PCDH17: variants seen among roughly 807,000 people sequenced by gnomAD.
PCDH17 encodes protocadherin 17.
A neutral mutation model predicts 67.7 loss-of-function variants in PCDH17; 21 were observed. The observed-to-expected ratio is 0.31, with a 90% CI of 0.22 to 0.45. The LOEUF (loss-of-function observed/expected upper bound fraction) is 0.45, where lower values mean the gene tolerates loss of function less well. Among genes scored for constraint, PCDH17 ranks in the 20% least tolerant of loss-of-function variants. The pLI, the probability that PCDH17 is intolerant of heterozygous loss-of-function variation, is 1.00. For missense variants in PCDH17, 1,471 were observed against 1,564.8 expected, an observed-to-expected ratio of 0.94 and a Z score of 1.01; for synonymous variants, 701 against 656.7, an observed-to-expected ratio of 1.07 and a Z score of -1.03.
chr13:57,693,813 G>C (rs1593932736), intron 3 of PCDH17, among the ~76,000 whole-genome samples: 1 of 150,384 alleles, frequency 6.6e-6, no homozygotes, highest in Non-Finnish European at 1.5e-5. Flanking sequence ...ACAAATTCTT[G>C]ATTTTCTTTT....
At position 57,725,255 on chromosome 13, in the gene PCDH17, A is replaced by G. The variant is rs182496040; in HGVS notation, c.3441A>G (p.Gln1147=). 4.3e-6 allele frequency: 7 copies of G among 1,613,212 alleles called. No homozygotes were observed. The East Asian group carries it at 1.6e-4, about 36-fold the overall frequency. Residue 1147 remains glutamine, a synonymous_variant, in exon 4 of 4, where the codon CAA becomes CAG. Coordinates refer to ENST00000377918, the MANE Select transcript of PCDH17 (RefSeq NM_001040429.3). ...TGAGAGAAATTGATAAGCTTTTGCA[A>G]GACTGCCGGGGAAACGACCCTGTGG... is the stretch of plus-strand genomic sequence containing the variant. ...EVVREIDKLL[Q]DCRGNDPVAV... is the part of the protein sequence containing the mutation.
chr13:57,685,874 G>A lies in PCDH17; in HGVS notation c.2797+19041G>A, dbSNP rs560297539. 1.1e-4 allele frequency among the ~76,000 whole-genome samples: 16 copies of A among 151,924 alleles called. No individual in the cohort carries two copies. In the South Asian group the frequency reaches 3.3e-3, roughly 31 times the overall value. On this transcript the variant is annotated intron_variant, in intron 3 of 3. Coordinates refer to ENST00000377918, the MANE Select transcript of PCDH17 (RefSeq NM_001040429.3). ...GCCAAGGCAGGAGCATCTCCTGAAGGCAGGAGTTCAAGACCAACCTGGGCA... is the reference window on the plus strand; with the variant it reads ...GCCAAGGCAGGAGCATCTCCTGAAGACAGGAGTTCAAGACCAACCTGGGCA...
At chr13:57,685,535 T>C (rs563732527) in intron 3 of PCDH17, among the ~76,000 whole-genome samples, 3 of 152,126 alleles carry the variant, frequency 2.0e-5, no homozygotes, top group South Asian at 2.1e-4. Flanking sequence ...TGGAAAAATA[T>C]GTAGTTTGAT....
At chr13:57,705,731 A>G (rs1955715403) in intron 3 of PCDH17, among the ~76,000 whole-genome samples, 1 of 152,076 alleles carries the variant, frequency 6.6e-6, no homozygotes, top group Non-Finnish European at 1.5e-5. Flanking sequence ...ATAAGCAAAA[A>G]TAGGGTAGGC....
intron 3 of PCDH17, among the ~76,000 whole-genome samples, chr13:57,713,361 A>C (rs1039281087): frequency 2.6e-5 from 4 of 151,794 alleles, no homozygotes; most frequent in South Asian, 2.1e-4. Flanking sequence ...GATAAAACAC[A>C]TCAGCTTCCA....
At chr13:57,697,216 T>C (rs1955618855) in intron 3 of PCDH17, among the ~76,000 whole-genome samples, 1 of 151,540 alleles carries the variant, frequency 6.6e-6, no homozygotes, top group African/African-American at 2.4e-5. Context: ...CTTTCTGATC[T>C]CATATGGCTA....
intron 3 of PCDH17, among the ~76,000 whole-genome samples, chr13:57,678,943 G>A (rs557564111): frequency 6.6e-5 from 10 of 151,380 alleles, no homozygotes; most frequent in Admixed American, 6.6e-4. Context: ...CTTAGAAAGG[G>A]GCTATAGTTC....
rs777632315 is a variant in PCDH17, at chr13:57,633,356, C to G, written c.810C>G (p.Ala270=). Residue 270 remains alanine, a synonymous_variant, in exon 1 of 4, where the codon GCC becomes GCG. Coordinates refer to ENST00000377918, the MANE Select transcript of PCDH17 (RefSeq NM_001040429.3). This position sits in a 1 kb window ranked among gnomAD's most constrained non-coding sequence, Gnocchi z 6.2. ...TVVIDLNATD[A]DEGPNGEVLY... ...TCATCGATCTGAACGCCACCGACGC[C>G]GATGAAGGTCCCAATGGTGAAGTGC... The G allele has an allele frequency of 1.2e-6, 2 of 1,613,246 alleles. No individual in the cohort carries two copies. Among genetic ancestry groups the G allele is most frequent in the Admixed American group, 3.3e-5 (2 of 60,002 alleles).
At chr13:57,651,356 GTT>G (rs67207232) in intron 1 of PCDH17, among the ~76,000 whole-genome samples, 1,168 of 84,172 alleles carry the variant, frequency 0.014, 4 homozygotes, top group African/African-American at 0.044. Flanking sequence ...TTTAATTGAG[GTT>G]TTTTTTTTTT....
intron 3 of PCDH17, among the ~76,000 whole-genome samples, chr13:57,701,744 A>G (rs533189554): frequency 1.3e-5 from 2 of 152,284 alleles, no homozygotes; most frequent in Admixed American, 1.3e-4. Context: ...TATTACAGAA[A>G]TGACATAGAA....
At chr13:57,638,835 T>C (rs1216769233) in intron 1 of PCDH17, among the ~76,000 whole-genome samples, 2 of 151,974 alleles carry the variant, frequency 1.3e-5, no homozygotes, top group Non-Finnish European at 2.9e-5. Flanking sequence ...CATTACCCGC[T>C]GTATGCCTTT....
intron 3 of PCDH17, among the ~76,000 whole-genome samples, chr13:57,680,767 A>T (rs73519460): frequency 0.013 from 1,985 of 151,744 alleles, 34 homozygotes; most frequent in African/African-American, 0.045. Flanking sequence ...CTTTTATTGA[A>T]ATTATTCTGA....
chr13:57,636,201 T>C (rs992600410), intron 1 of PCDH17, among the ~76,000 whole-genome samples: 1 of 152,178 alleles, frequency 6.6e-6, no homozygotes, highest in South Asian at 2.1e-4. Flanking sequence ...AAAAACTTCA[T>C]TCTTGCTTAT....
Position 57,701,535 on chromosome 13 carries a change from C to T in PCDH17, c.2798-23077C>T, listed in dbSNP as rs958435406. 8.2e-4 allele frequency among the ~76,000 whole-genome samples: 15 copies of T among 18,328 alleles called. No individual in the cohort carries two copies. The African/African-American group carries it at 0.01, about 13-fold the overall frequency. 12.0% of individuals were successfully genotyped at this position (18,328 alleles called of 152,430 possible). ...ATTCTGATATTTTAAATTTAAGACACCCATATTTTGCTTTATGTCTTATAA... is the reference window on the plus strand; with the variant it reads ...ATTCTGATATTTTAAATTTAAGACATCCATATTTTGCTTTATGTCTTATAA... On this transcript the variant is annotated intron_variant, in intron 3 of 3. Coordinates refer to ENST00000377918, the MANE Select transcript of PCDH17 (RefSeq NM_001040429.3).
chr13:57,724,135 A>G (rs998002405), intron 3 of PCDH17, among the ~76,000 whole-genome samples: 6 of 152,214 alleles, frequency 3.9e-5, no homozygotes, highest in Non-Finnish European at 8.8e-5. Flanking sequence ...CCAAATAACA[A>G]TTACAAGCAA....
chr13:57,659,102 ATTGTGT>A (rs1183411825), intron 1 of PCDH17, among the ~76,000 whole-genome samples: 3 of 70,618 alleles, frequency 4.2e-5, no homozygotes, highest in Non-Finnish European at 6.1e-5. Context: ...GGTTATTTAT[ATTGTGT>A]GTGTGTGTGT....
chr13:57,725,126 T>A lies in PCDH17; in HGVS notation c.3312T>A (p.His1104Gln). ...DQMARVFADV[H>Q]SRASRDSSEM... ...TGGCAAGGGTCTTTGCAGATGTGCA[T>A]TCCAGAGCCAGCCGGGATTCCAGTG... Residue 1104 changes from histidine (H) to glutamine (Q), a missense_variant, in exon 4 of 4, where the codon CAT becomes CAA. Physicochemically the swap from His to Gln is conservative, Grantham distance 24. Coordinates refer to ENST00000377918, the MANE Select transcript of PCDH17 (RefSeq NM_001040429.3). The A allele has an allele frequency of 3.7e-6, 6 of 1,614,136 alleles. No individual in the cohort carries two copies. The African/African-American group carries it at 6.7e-5, about 18-fold the overall frequency.
At position 57,725,189 on chromosome 13, in the gene PCDH17, C is replaced by G. The variant is rs764489941; in HGVS notation, c.3375C>G (p.Asn1125Lys). 2.5e-6 allele frequency: 4 copies of G among 1,613,884 alleles called. No individual in the cohort carries two copies. The African/African-American group carries it at 4.0e-5, about 16-fold the overall frequency. ...GAVLEQLDHP[N>K]RDLGRESVDA... is the part of the protein sequence containing the mutation. Reference sequence around the variant, plus strand: ...TTCTTGAGCAGCTTGACCACCCCAACAGGGATCTGGGCAGAGAGTCTGTGG... The same window carrying G: ...TTCTTGAGCAGCTTGACCACCCCAAGAGGGATCTGGGCAGAGAGTCTGTGG... The change falls in exon 4 of 4, where the codon AAC (asparagine) becomes AAG (lysine). Residue 1125 changes from asparagine (N) to lysine (K), a missense_variant. Transcript: ENST00000377918.
At chr13:57,677,930 T>C (rs538684836) in intron 3 of PCDH17, among the ~76,000 whole-genome samples, 22 of 151,626 alleles carry the variant, frequency 1.5e-4, no homozygotes, top group Non-Finnish European at 2.7e-4. Flanking sequence ...ATTAGAGAGA[T>C]GTTAGTCAAA....
Sources: gnomAD v4.1 joint callset for allele counts (sites outside exome capture counted in the v4.1 genomes callset) on GRCh38, gnomAD v4.1.1 for gene constraint, Gnocchi (gnomAD v3.1) non-coding constraint, MANE v1.5 for transcripts, NCBI Gene and HGNC (gene_info 2026-07-23, HGNC 2026-07-21) for gene names.